The following UNC13C variants were observed in gnomAD, a reference collection of about 807,000 sequenced individuals.
UNC13C encodes the protein unc-13 homolog C, also known as protein unc-13 homolog C.
A neutral mutation model predicts 245.4 loss-of-function variants in UNC13C; 174 were observed. The ratio of observed to expected loss-of-function variants is 0.71; its 90% CI spans 0.63 to 0.80. UNC13C has a LOEUF of 0.80. Among genes scored for constraint, UNC13C ranks in the 30% least tolerant of loss-of-function variants. The pLI, the probability that UNC13C is intolerant of heterozygous loss-of-function variation, is 0.00. For synonymous variants in UNC13C, 992 were observed against 895.1 expected (o/e 1.11, Z -1.93); for missense variants, 2,829 against 2,602.9 (o/e 1.09, Z -1.89).
At chr15:54,336,078 T>C (rs898655208) in intron 16 of UNC13C, among the ~76,000 whole-genome samples, 5 of 152,100 alleles carry the variant, frequency 3.3e-5, no homozygotes, top group African/African-American at 1.2e-4. Context: ...TCTGAATATC[T>C]TTTTTTGTGA....
the UNC13C span, among the ~76,000 whole-genome samples, chr15:53,839,208 G>A: frequency 6.6e-6 from 1 of 151,702 alleles, no homozygotes; most frequent in Non-Finnish European, 1.5e-5. Context: ...ATTTTTTACT[G>A]TTCTTCCCAT....
At chr15:54,322,393 A>G (rs2038186647) in intron 14 of UNC13C, among the ~76,000 whole-genome samples, 1 of 152,010 alleles carries the variant, frequency 6.6e-6, no homozygotes, top group African/African-American at 2.4e-5. Context: ...AACATATGCA[A>G]ATTTGGTATT....
rs535209492 is a variant in UNC13C, at chr15:54,274,772, C to T, written c.3818+9276C>T. Among the ~76,000 whole-genome samples, 4 of 143,896 alleles carry T rather than the reference C, an allele frequency of 2.8e-5. No homozygotes were observed. In the South Asian group the frequency reaches 9.0e-4, roughly 32 times the overall value. The allele number at this position is 143,896 out of a possible 152,430, so 94.4% of individuals were successfully genotyped here. On this transcript the variant is annotated intron_variant, in intron 10 of 32. Coordinates refer to ENST00000260323, the MANE Select transcript of UNC13C (RefSeq NM_001080534.3). Reference sequence around the variant, plus strand: ...ATGCAAGCTCCGCCTCCTGGGTTCACCCCATTCTCCTGCCTCAGCCTCCCG... The same window carrying T: ...ATGCAAGCTCCGCCTCCTGGGTTCATCCCATTCTCCTGCCTCAGCCTCCCG...
chr15:54,096,421 G>A (rs1427057077), intron 2 of UNC13C, among the ~76,000 whole-genome samples: 2 of 152,118 alleles, frequency 1.3e-5, no homozygotes, highest in Non-Finnish European at 2.9e-5. Context: ...GCTGGATATA[G>A]TATTCTGGAG....
the UNC13C span, among the ~76,000 whole-genome samples, chr15:53,960,602 G>A: frequency 1.3e-5 from 2 of 152,172 alleles, no homozygotes; most frequent in African/African-American, 4.8e-5. Context: ...GTAAGAATGT[G>A]ATCTGGAAAT....
chr15:53,938,927 T>G, the UNC13C span, among the ~76,000 whole-genome samples: 1 of 151,900 alleles, frequency 6.6e-6, no homozygotes, highest in Non-Finnish European at 1.5e-5. Context: ...TAACCTAACA[T>G]CTCAGCTAAA....
chr15:54,534,280 T>TA (rs1895891925), intron 26 of UNC13C, among the ~76,000 whole-genome samples: 2 of 152,078 alleles, frequency 1.3e-5, no homozygotes, highest in African/African-American at 2.4e-5. Context: ...GCCCCAGGGT[T>TA]AGGACATGCA....
intron 10 of UNC13C, among the ~76,000 whole-genome samples, chr15:54,284,144 A>G (rs143757309): frequency 6.6e-6 from 1 of 152,310 alleles, no homozygotes; most frequent in East Asian, 1.9e-4. Context: ...TTTAGAAAGA[A>G]CACATATCGC....
intron 19 of UNC13C, among the ~76,000 whole-genome samples, chr15:54,449,900 G>A (rs898111190): frequency 1.3e-5 from 2 of 152,148 alleles, no homozygotes; most frequent in Non-Finnish European, 2.9e-5. Flanking sequence ...CCATCTTTGT[G>A]GTTTTATCTA....
At chr15:54,552,675 AATATAATT>A (rs1352657691) in intron 28 of UNC13C, among the ~76,000 whole-genome samples, 1 of 84,150 alleles carries the variant, frequency 1.2e-5, no homozygotes, top group African/African-American at 5.6e-5. Context: ...TGTACTATAT[AATATAATT>A]ATATAATTAT....
intron 2 of UNC13C, among the ~76,000 whole-genome samples, chr15:54,133,796 A>G (rs1424506510): frequency 6.6e-6 from 1 of 152,174 alleles, no homozygotes; most frequent in Admixed American, 6.5e-5. Flanking sequence ...CAATATCTGT[A>G]TATACATATA....
At chr15:54,235,618 C>T (rs950238121) in intron 5 of UNC13C, among the ~76,000 whole-genome samples, 5 of 152,008 alleles carry the variant, frequency 3.3e-5, no homozygotes, top group Admixed American at 1.3e-4. Flanking sequence ...TTTGGGAGGC[C>T]GAGGCGGGCG....
At chr15:53,848,929 C>T in the UNC13C span, among the ~76,000 whole-genome samples, 1 of 152,086 alleles carries the variant, frequency 6.6e-6, no homozygotes, top group African/African-American at 2.4e-5. Context: ...TATTAAGACT[C>T]TCTTGTCTCA....
chr15:54,547,238 A>AT (rs140088492), intron 27 of UNC13C, among the ~76,000 whole-genome samples: 19,530 of 151,522 alleles, frequency 0.13, 3,589 homozygotes, highest in African/African-American at 0.41. Context: ...TGCTATTTGG[A>AT]TTTTTTTTTC....
intron 17 of UNC13C, among the ~76,000 whole-genome samples, chr15:54,344,606 G>T (rs1596257367): frequency 6.6e-6 from 1 of 152,056 alleles, no homozygotes; most frequent in East Asian, 1.9e-4. Context: ...TATTTAGGGG[G>T]TTAATGCTCT....
At chr15:54,055,981 T>C (rs1442693522) in intron 2 of UNC13C, among the ~76,000 whole-genome samples, 1 of 152,110 alleles carries the variant, frequency 6.6e-6, no homozygotes, top group Non-Finnish European at 1.5e-5. Context: ...CTTCTGTGCT[T>C]CTCCGCATGA....
intron 4 of UNC13C, among the ~76,000 whole-genome samples, chr15:54,161,823 C>A (rs889237127): frequency 4.6e-5 from 7 of 152,062 alleles, no homozygotes; most frequent in Admixed American, 2.0e-4. Flanking sequence ...GCATGCACAT[C>A]TGTAGTCCCA....
chr15:53,845,494 A>G, the UNC13C span, among the ~76,000 whole-genome samples: 1 of 152,080 alleles, frequency 6.6e-6, no homozygotes, highest in South Asian at 2.1e-4. Context: ...CTTCAACACA[A>G]TGTCCTATGA....
At chr15:54,624,298 G>T (rs1312523050) in intron 32 of UNC13C, among the ~76,000 whole-genome samples, 1 of 152,172 alleles carries the variant, frequency 6.6e-6, no homozygotes, top group Non-Finnish European at 1.5e-5. Context: ...TAGCTGCTTT[G>T]CCTGGGAGGT....
Sources: gnomAD v4.1 joint callset for allele counts (sites outside exome capture counted in the v4.1 genomes callset) on GRCh38, gnomAD v4.1.1 for gene constraint, MANE v1.5 for transcripts, NCBI Gene and HGNC (gene_info 2026-07-23, HGNC 2026-07-21) for gene names.